Variants in SLC2A13 observed in about 807,000 individuals in gnomAD.
SLC2A13 encodes the protein proton myo-inositol cotransporter.
Under a neutral mutation model 64.4 loss-of-function variants are expected in SLC2A13, and 32 were observed. The ratio of observed to expected loss-of-function variants is 0.50; its 90% CI spans 0.37 to 0.67. The LOEUF (loss-of-function observed/expected upper bound fraction) is 0.67, where lower values mean the gene tolerates loss of function less well. Ranked by LOEUF, SLC2A13 falls within the 30% of genes least tolerant of loss-of-function variation. SLC2A13 has a pLI of 0.00. For missense variants in SLC2A13, 743 were observed against 829.2 expected, an observed-to-expected ratio of 0.90 and a Z score of 1.28; for synonymous variants, 338 against 327.1, an observed-to-expected ratio of 1.03 and a Z score of -0.36.
At chr12:40,028,923 T>G (rs1189620074) in intron 2 of SLC2A13, among the ~76,000 whole-genome samples, 1 of 152,246 alleles carries the variant, frequency 6.6e-6, no homozygotes, top group Non-Finnish European at 1.5e-5. Context: ...ACACTTTTCA[T>G]TAAAATAAGT....
intron 1 of SLC2A13, among the ~76,000 whole-genome samples, chr12:40,072,676 A>G (rs1448479609): frequency 6.6e-6 from 1 of 152,130 alleles, no homozygotes; most frequent in Non-Finnish European, 1.5e-5. Flanking sequence ...GCTGTTTGAA[A>G]TTAATATAGC....
At chr12:39,819,041 G>A (rs908492522) in intron 7 of SLC2A13, among the ~76,000 whole-genome samples, 4 of 152,106 alleles carry the variant, frequency 2.6e-5, no homozygotes, top group Non-Finnish European at 4.4e-5. Flanking sequence ...TCAGACAACC[G>A]CTTGCACCCC....
chr12:39,785,364 C>T (rs1941148299), intron 7 of SLC2A13, among the ~76,000 whole-genome samples: 1 of 152,202 alleles, frequency 6.6e-6, no homozygotes, highest in South Asian at 2.1e-4. Context: ...TTGGCAGCTT[C>T]CATGTGGCGT....
intron 4 of SLC2A13, among the ~76,000 whole-genome samples, chr12:39,880,328 C>G (rs1301111494): frequency 6.6e-6 from 1 of 152,136 alleles, no homozygotes; most frequent in Non-Finnish European, 1.5e-5. Flanking sequence ...ACTCAAGATA[C>G]AAACATCTTA....
At chr12:39,971,819 A>G (rs946456857) in intron 3 of SLC2A13, among the ~76,000 whole-genome samples, 1 of 151,524 alleles carries the variant, frequency 6.6e-6, no homozygotes, top group African/African-American at 2.4e-5. Flanking sequence ...TATTAAAAAT[A>G]CAAATATTAG....
chr12:39,983,977 C>G (rs1220460362), intron 3 of SLC2A13, among the ~76,000 whole-genome samples: 1 of 150,736 alleles, frequency 6.6e-6, no homozygotes, highest in Non-Finnish European at 1.5e-5. Context: ...GGCACATATA[C>G]ACCATGGAAT....
Position 39,920,463 on chromosome 12 carries a change from T to C in SLC2A13, c.1034+30794A>G, listed in dbSNP as rs554450682. Among the ~76,000 whole-genome samples the C allele has an allele frequency of 5.3e-5, 8 of 152,180 alleles. No homozygotes were observed. The South Asian group carries it at 8.3e-4, about 16-fold the overall frequency. ...AGAGAGAACTGCAGCAGAGGTACCATTGTACTTTTCACTCTCTATCCTGAT... is the reference window on the plus strand; with the variant it reads ...AGAGAGAACTGCAGCAGAGGTACCACTGTACTTTTCACTCTCTATCCTGAT... On this transcript the variant is annotated intron_variant, in intron 4 of 9. Coordinates refer to ENST00000280871, the MANE Select transcript of SLC2A13 (RefSeq NM_052885.4).
intron 1 of SLC2A13, among the ~76,000 whole-genome samples, chr12:40,088,296 C>T (rs867132289): frequency 2.0e-5 from 3 of 152,314 alleles, no homozygotes; most frequent in Middle Eastern, 3.4e-3. Flanking sequence ...ATGATGCAAA[C>T]ACTGTCTAAT....
chr12:39,960,091 A>G (rs980540349), intron 3 of SLC2A13, among the ~76,000 whole-genome samples: 2 of 151,956 alleles, frequency 1.3e-5, no homozygotes, highest in African/African-American at 4.8e-5. Context: ...TTTTTTTCCT[A>G]TATGTAAATA....
intron 3 of SLC2A13, among the ~76,000 whole-genome samples, chr12:40,002,151 C>T (rs900279551): frequency 4.6e-5 from 7 of 152,174 alleles, no homozygotes; most frequent in South Asian, 2.1e-4. Flanking sequence ...ACTATCTAAA[C>T]GTCAACTACA....
intron 2 of SLC2A13, among the ~76,000 whole-genome samples, chr12:40,031,136 G>A (rs1257909029): frequency 6.6e-6 from 1 of 152,200 alleles, no homozygotes; most frequent in Non-Finnish European, 1.5e-5. Context: ...TTATATGACA[G>A]AGAGGACACA....
chr12:39,784,830 T>A (rs1038507128), intron 7 of SLC2A13, among the ~76,000 whole-genome samples: 3 of 152,146 alleles, frequency 2.0e-5, no homozygotes, highest in African/African-American at 7.2e-5. Context: ...TCTTGTTATG[T>A]TTTAGCAAGA....
chr12:39,978,516 G>T (rs542036993), intron 3 of SLC2A13, among the ~76,000 whole-genome samples: 2 of 152,190 alleles, frequency 1.3e-5, no homozygotes, highest in Non-Finnish European at 2.9e-5. Context: ...CCTGGGAAGC[G>T]CAAGGGGTCA....
rs148766927 is a variant in SLC2A13 at position 40,011,788 on chromosome 12, G to A, written c.925+16513C>T. On this transcript the variant is annotated intron_variant, in intron 3 of 9. Transcript: ENST00000280871. ...AAGTAAGCTGTGAACAGCCAGTTGT[G>A]GTTGCCTAATTTGTAGGGCTGAGGG... Among the ~76,000 whole-genome samples, 10 of 152,230 alleles carry A rather than the reference G, an allele frequency of 6.6e-5. No homozygotes were observed. In the East Asian group the frequency reaches 1.9e-3, roughly 29 times the overall value.
intron 3 of SLC2A13, 36 bp from the exon 4 acceptor site, chr12:39,951,401 A>G: frequency 6.6e-7 from 1 of 1,505,674 alleles, no homozygotes; most frequent in Non-Finnish European, 8.9e-7. Context: ...AAATACAACT[A>G]TTATTTTTAG....
At chr12:39,840,643 G>A (rs529701585) in intron 6 of SLC2A13, among the ~76,000 whole-genome samples, 1 of 151,956 alleles carries the variant, frequency 6.6e-6, no homozygotes, top group African/African-American at 2.4e-5. Context: ...CAAGACTCAT[G>A]TTCCTCTATG....
At chr12:39,846,447 A>G (rs939963886) in intron 6 of SLC2A13, among the ~76,000 whole-genome samples, 3 of 152,074 alleles carry the variant, frequency 2.0e-5, no homozygotes, top group Non-Finnish European at 4.4e-5. Context: ...TCTAAAATTC[A>G]CTTAACTTCT....
intron 5 of SLC2A13, among the ~76,000 whole-genome samples, chr12:39,869,756 G>A (rs955504269): frequency 1.3e-5 from 2 of 152,208 alleles, no homozygotes; most frequent in Non-Finnish European, 2.9e-5. Context: ...AAGAGTTCAG[G>A]AAGATTCCTA....
At chr12:39,818,467 G>A (rs1312953329) in intron 7 of SLC2A13, among the ~76,000 whole-genome samples, 2 of 152,178 alleles carry the variant, frequency 1.3e-5, no homozygotes, top group African/African-American at 2.4e-5. Flanking sequence ...AGCTAGCAGG[G>A]AAGATGATGC....
Sources: gnomAD v4.1 joint callset for allele counts (sites outside exome capture counted in the v4.1 genomes callset) on GRCh38, gnomAD v4.1.1 for gene constraint, MANE v1.5 for transcripts, NCBI Gene and HGNC (gene_info 2026-07-23, HGNC 2026-07-21) for gene names.